CRYL1: variants seen among roughly 807,000 people sequenced by gnomAD.
CRYL1 encodes crystallin lambda 1, also known as lambda-crystallin homolog.
Under a neutral mutation model 36.6 loss-of-function variants are expected in CRYL1, and 29 were observed. That is an observed-to-expected ratio of 0.79 (90% CI 0.59 to 1.08). CRYL1 has a LOEUF of 1.08. Among genes scored for constraint, CRYL1 ranks in the 50% least tolerant of loss-of-function variants. The pLI is 0.00. For synonymous variants in CRYL1, 152 were observed against 151.5 expected, an observed-to-expected ratio of 1.00 and a Z score of -0.02; for missense variants, 411 against 407.9, an observed-to-expected ratio of 1.01 and a Z score of -0.06.
intron 5 of CRYL1, among the ~76,000 whole-genome samples, chr13:20,428,504 T>C (rs958854462): frequency 6.6e-6 from 1 of 152,164 alleles, no homozygotes; most frequent in African/African-American, 2.4e-5. Context: ...CAACAAAGCA[T>C]AACCAGGTTG....
rs560097610 is a variant in CRYL1 at position 20,467,837 on chromosome 13, C to A, written c.276+21533G>T. Among the ~76,000 whole-genome samples the A allele has an allele frequency of 4.9e-4, 74 of 152,280 alleles. No homozygotes were observed. In the South Asian group the frequency reaches 0.015, roughly 30 times the overall value. On this transcript the variant is annotated intron_variant, in intron 3 of 7. Coordinates refer to ENST00000298248, the MANE Select transcript of CRYL1 (RefSeq NM_015974.3). ...GGTCTGCAACGCCCGGTGCCTCAGA[C>A]TGGTACCGGTCCCTGGCCTGTTAGG...
chr13:20,413,437 T>C, intron 5 of CRYL1, 50 bp from the exon 6 acceptor site: 1 of 1,159,328 alleles, frequency 8.6e-7, no homozygotes, highest in Non-Finnish European at 1.3e-6. Flanking sequence ...AAAGACAATT[T>C]CATGACCACC....
At chr13:20,478,635 C>A (rs944660429) in intron 3 of CRYL1, among the ~76,000 whole-genome samples, 1 of 152,018 alleles carries the variant, frequency 6.6e-6, no homozygotes, top group Non-Finnish European at 1.5e-5. Context: ...ACCACCATGC[C>A]ATACTAATTT....
At chr13:20,480,715 C>T (rs1478830064) in intron 3 of CRYL1, among the ~76,000 whole-genome samples, 1 of 152,200 alleles carries the variant, frequency 6.6e-6, no homozygotes, top group South Asian at 2.1e-4. Flanking sequence ...AATAACCTGC[C>T]GTTCGTGGAT....
chr13:20,488,029 G>A (rs2033434639), intron 3 of CRYL1, among the ~76,000 whole-genome samples: 1 of 151,282 alleles, frequency 6.6e-6, no homozygotes. Flanking sequence ...TTGAATCCAG[G>A]AAGTGGAGGC....
At chr13:20,422,804 G>A (rs897568135) in intron 5 of CRYL1, among the ~76,000 whole-genome samples, 1 of 152,142 alleles carries the variant, frequency 6.6e-6, no homozygotes, top group Non-Finnish European at 1.5e-5. Context: ...CAAACAAAGG[G>A]CCACGCTACT....
intron 3 of CRYL1, among the ~76,000 whole-genome samples, chr13:20,464,557 G>A (rs1262960898): frequency 6.6e-6 from 1 of 152,100 alleles, no homozygotes; most frequent in Non-Finnish European, 1.5e-5. Flanking sequence ...GAGGAGAAAC[G>A]GTCTTGGGGA....
chr13:20,522,911 CTTTTT>C (rs386378385), intron 1 of CRYL1, among the ~76,000 whole-genome samples: 7,603 of 82,706 alleles, frequency 0.092, 411 homozygotes, highest in African/African-American at 0.27. Context: ...CCCATTTCTA[CTTTTT>C]TTTTTTTTTT....
At chr13:20,501,410 C>T (rs1262445631) in intron 2 of CRYL1, among the ~76,000 whole-genome samples, 1 of 152,194 alleles carries the variant, frequency 6.6e-6, no homozygotes, top group Non-Finnish European at 1.5e-5. Flanking sequence ...CACTGTGCTG[C>T]CTGCTTTCTA....
intron 2 of CRYL1, among the ~76,000 whole-genome samples, chr13:20,501,696 A>G (rs1288209708): frequency 1.3e-5 from 2 of 152,222 alleles, no homozygotes; most frequent in African/African-American, 4.8e-5. Context: ...GAGGCAAAGA[A>G]CAGAGAGCAG....
chr13:20,500,284 T>C (rs9315646), intron 2 of CRYL1, among the ~76,000 whole-genome samples: 46,123 of 152,214 alleles, frequency 0.3, 7,527 homozygotes, highest in Admixed American at 0.39. Flanking sequence ...AGTATACTTT[T>C]GTAAACAGAA....
intron 5 of CRYL1, among the ~76,000 whole-genome samples, chr13:20,429,015 G>A (rs1459005015): frequency 1.3e-5 from 2 of 152,246 alleles, no homozygotes; most frequent in Non-Finnish European, 2.9e-5. Flanking sequence ...AAACAGAAGC[G>A]CCCACACCAG....
chr13:20,476,327 C>T (rs1421504705), intron 3 of CRYL1, among the ~76,000 whole-genome samples: 2 of 149,066 alleles, frequency 1.3e-5, no homozygotes, highest in African/African-American at 2.5e-5. Context: ...TGCACTACAG[C>T]CTGGGTGACA....
chr13:20,504,978 A>C (rs2033766683), intron 2 of CRYL1, among the ~76,000 whole-genome samples: 4 of 152,178 alleles, frequency 2.6e-5, no homozygotes, highest in African/African-American at 9.7e-5. Flanking sequence ...TTAGTTTTTA[A>C]TAGGTCTAAC....
At chr13:20,455,623 A>T (rs1472529425) in intron 3 of CRYL1, among the ~76,000 whole-genome samples, 11 of 151,026 alleles carry the variant, frequency 7.3e-5, no homozygotes, top group Admixed American at 7.3e-4. Context: ...CTCAAGCTAT[A>T]CCATAATCAT....
chr13:20,482,396 G>A (rs75204005), intron 3 of CRYL1, among the ~76,000 whole-genome samples: 3 of 152,126 alleles, frequency 2.0e-5, no homozygotes, highest in African/African-American at 7.3e-5. Flanking sequence ...ATTAGATAAG[G>A]CCTCGACATA....
intron 1 of CRYL1, among the ~76,000 whole-genome samples, chr13:20,513,155 C>T (rs1277842772): frequency 6.6e-6 from 1 of 152,084 alleles, no homozygotes; most frequent in East Asian, 1.9e-4. Context: ...GCTCCTGAGC[C>T]CTCAACTCCA....
At chr13:20,405,041 G>T (rs990967815) in intron 6 of CRYL1, among the ~76,000 whole-genome samples, 1 of 152,152 alleles carries the variant, frequency 6.6e-6, no homozygotes, top group Non-Finnish European at 1.5e-5. Context: ...AGGCCAAGGC[G>T]GGTAGATCAC....
intron 3 of CRYL1, among the ~76,000 whole-genome samples, chr13:20,460,672 C>T (rs968063474): frequency 6.6e-6 from 1 of 151,770 alleles, no homozygotes; most frequent in African/African-American, 2.4e-5. Context: ...ACTACAGGCG[C>T]CCGCCACTAC....
Sources: gnomAD v4.1 joint callset for allele counts (sites outside exome capture counted in the v4.1 genomes callset) on GRCh38, gnomAD v4.1.1 for gene constraint, MANE v1.5 for transcripts, NCBI Gene and HGNC (gene_info 2026-07-23, HGNC 2026-07-21) for gene names.